WWC2: variants seen among roughly 807,000 people sequenced by gnomAD.
WWC2 encodes the protein WW and C2 domain containing 2.
Under a neutral mutation model 138.5 loss-of-function variants are expected in WWC2, and 101 were observed. The observed-to-expected ratio is 0.73, with a 90% confidence interval of 0.62 to 0.86. The LOEUF is 0.86. Ranked by LOEUF, WWC2 falls within the 40% of genes least tolerant of loss-of-function variation. WWC2 has a pLI of 0.00. For synonymous variants in WWC2, 558 were observed against 538.4 expected (o/e 1.04, Z -0.50); for missense variants, 1,420 against 1,419.4 (o/e 1.00, Z -0.01).
intron 2 of WWC2, among the ~76,000 whole-genome samples, chr4:183,199,402 A>G (rs1735241174): frequency 6.6e-6 from 1 of 152,212 alleles, no homozygotes; most frequent in Non-Finnish European, 1.5e-5. Flanking sequence ...TACACTAGCC[A>G]TGCACATAGC....
At position 183,193,688 on chromosome 4, in the gene WWC2, A is replaced by G. The variant is rs758389809; in HGVS notation, c.221A>G (p.Tyr74Cys). ...GGGTTTGACCCTCAGATTGGTGTCT[A>G]CTACATCGATCACATCAACAGTAAG... Reference protein sequence around the residue: ...EAGFDPQIGVYYIDHINKTTQ... With the variant: ...EAGFDPQIGVCYIDHINKTTQ... Residue 74 changes from tyrosine to cysteine, a missense_variant, in exon 2 of 23, where the codon TAC becomes TGC. Coordinates refer to ENST00000403733, the MANE Select transcript of WWC2 (RefSeq NM_024949.6). The G allele has an allele frequency of 9.3e-6, 15 of 1,613,534 alleles. No individual in the cohort carries two copies. The highest frequency in any genetic ancestry group is 5.5e-5 in the South Asian group (5 of 90,960).
chr4:183,267,842 C>G (rs1310345536), intron 14 of WWC2, among the ~76,000 whole-genome samples: 2 of 152,154 alleles, frequency 1.3e-5, no homozygotes, highest in Non-Finnish European at 2.9e-5. Context: ...ATGTAAAAGC[C>G]TTGGCCTAAA....
intron 2 of WWC2, among the ~76,000 whole-genome samples, chr4:183,195,704 A>G (rs1444322717): frequency 6.6e-6 from 1 of 152,056 alleles, no homozygotes; most frequent in African/African-American, 2.4e-5. Context: ...CCCTCTCAAA[A>G]CCATCCTTCA....
At chr4:183,238,215 A>C (rs906134503) in intron 4 of WWC2, among the ~76,000 whole-genome samples, 5 of 152,104 alleles carry the variant, frequency 3.3e-5, no homozygotes, top group African/African-American at 1.2e-4. Flanking sequence ...ACCTTCGTCC[A>C]CCCTGCTGGC....
chr4:183,145,825 C>CAG (rs879512378), intron 1 of WWC2, among the ~76,000 whole-genome samples: 1 of 152,132 alleles, frequency 6.6e-6, no homozygotes, highest in Non-Finnish European at 1.5e-5. Context: ...TTTTATGTAT[C>CAG]ATGAAATCTT....
In WWC2 at chr4:183,257,418, C is replaced by A. The variant is rs942246153; in HGVS notation, c.1197-2221C>A. Among the ~76,000 whole-genome samples, 5 of 152,106 alleles carry A rather than the reference C, an allele frequency of 3.3e-5. 1 individual carries two copies. The South Asian group carries it at 1.0e-3, about 32-fold the overall frequency. On this transcript the variant is annotated intron_variant, in intron 9 of 22. Coordinates refer to ENST00000403733, the MANE Select transcript of WWC2 (RefSeq NM_024949.6). ...TCCTGCAGGGCACTGAGGGCAGAGT[C>A]AGGCAGGTGTGAAGGCCCACACTTC...
chr4:183,248,805 T>C lies in WWC2; in HGVS notation c.824T>C (p.Leu275Ser). 6.2e-7 allele frequency: 1 copy of C among 1,604,106 alleles called. No homozygotes were observed. Among genetic ancestry groups the C allele is most frequent in the Non-Finnish European group, 8.5e-7 (1 of 1,174,804 alleles). ...AGATGTAGTCCTGTGAACTCTCATT[T>C]ATGTCTCTCCAGACAGACCCTTGAT... is the stretch of plus-strand genomic sequence containing the variant. ...DLRCSPVNSH[L>S]CLSRQTLDAG... Residue 275 changes from leucine (L) to serine (S), a missense_variant, in exon 7 of 23, where the codon TTA (leucine) becomes TCA (serine). By Grantham distance (145) the Leu-to-Ser change is moderately radical (BLOSUM62 -2). Transcript: ENST00000403733.
intron 1 of WWC2, among the ~76,000 whole-genome samples, chr4:183,173,901 G>T (rs929235060): frequency 1.3e-5 from 2 of 152,162 alleles, no homozygotes; most frequent in Non-Finnish European, 1.5e-5. Context: ...ACAAAAAGCT[G>T]TTTGGAAGCT....
intron 1 of WWC2, among the ~76,000 whole-genome samples, chr4:183,135,993 TA>T (rs1733101197): frequency 6.6e-6 from 1 of 152,116 alleles, no homozygotes; most frequent in South Asian, 2.1e-4. Flanking sequence ...CTTCCCCTTT[TA>T]TTTTTTGAGA....
intron 1 of WWC2, among the ~76,000 whole-genome samples, chr4:183,106,573 CACTT>C (rs1455324843): frequency 1.3e-5 from 2 of 152,162 alleles, no homozygotes; most frequent in Non-Finnish European, 2.9e-5. Context: ...ATTAAGAACT[CACTT>C]CTCATTCATC....
chr4:183,201,628 G>T (rs369562539), intron 2 of WWC2, among the ~76,000 whole-genome samples: 1 of 152,146 alleles, frequency 6.6e-6, no homozygotes, highest in East Asian at 1.9e-4. Flanking sequence ...ACTTATTAAC[G>T]AACAAATAAC....
intron 4 of WWC2, among the ~76,000 whole-genome samples, chr4:183,214,836 C>T (rs1203107869): frequency 6.6e-6 from 1 of 151,828 alleles, no homozygotes; most frequent in African/African-American, 2.4e-5. Context: ...CAAATATTCT[C>T]TCTTGACTAG....
At chr4:183,125,224 A>G (rs76210684) in intron 1 of WWC2, among the ~76,000 whole-genome samples, 2,248 of 152,214 alleles carry the variant, frequency 0.015, 34 homozygotes, top group African/African-American at 0.018. Context: ...TACAGGTTCA[A>G]TTTGCAAGTG....
Position 183,260,950 on chromosome 4 carries a change from C to G in WWC2, c.1327C>G (p.Leu443Val), listed in dbSNP as rs1426644612. Residue 443 changes from leucine (L) to valine (V), a missense_variant, in exon 11 of 23, where the codon CTG (leucine) becomes GTG (valine). Physicochemically the swap from Leu to Val is conservative, Grantham distance 32. Coordinates refer to ENST00000403733, the MANE Select transcript of WWC2 (RefSeq NM_024949.6). ...STLSMSSGSS[L>V]GSLASSRGSL... is the part of the protein sequence containing the mutation. ...CCTGTCCATGTCATCTGGGAGCAGCCTGGGTTCCCTGGCATCGAGTCGGGG... is the reference window on the plus strand; with the variant it reads ...CCTGTCCATGTCATCTGGGAGCAGCGTGGGTTCCCTGGCATCGAGTCGGGG... 4 of 1,613,906 alleles carry G rather than the reference C, an allele frequency of 2.5e-6. No individual in the cohort carries two copies. The highest frequency in any genetic ancestry group is 3.4e-6 in the Non-Finnish European group (4 of 1,179,872).
chr4:183,227,805 C>T (rs986005573), intron 4 of WWC2, among the ~76,000 whole-genome samples: 3 of 151,926 alleles, frequency 2.0e-5, no homozygotes, highest in African/African-American at 7.3e-5. Flanking sequence ...AAACATCTTC[C>T]ATACATATAG....
At chr4:183,274,334 C>T (rs373535868) in intron 16 of WWC2, among the ~76,000 whole-genome samples, 2 of 152,170 alleles carry the variant, frequency 1.3e-5, no homozygotes, top group East Asian at 3.8e-4. Context: ...CATAACAGTT[C>T]TAAGTCTTCT....
intron 1 of WWC2, among the ~76,000 whole-genome samples, chr4:183,178,352 G>T (rs1051797758): frequency 6.7e-6 from 1 of 149,550 alleles, no homozygotes; most frequent in South Asian, 2.1e-4. Flanking sequence ...ACCAGCCTGG[G>T]CTACACAGTG....
At chr4:183,247,828 A>G (rs1044004685) in intron 6 of WWC2, among the ~76,000 whole-genome samples, 1 of 142,258 alleles carries the variant, frequency 7.0e-6, no homozygotes, top group African/African-American at 2.6e-5. Context: ...TTGAGAGAAA[A>G]TAGAGAAAGT....
At chr4:183,208,503 A>G (rs1360472695) in intron 3 of WWC2, among the ~76,000 whole-genome samples, 2 of 152,184 alleles carry the variant, frequency 1.3e-5, no homozygotes, top group African/African-American at 4.8e-5. Context: ...AGGAACTGGA[A>G]CTATTACCTA....
Sources: gnomAD v4.1 joint callset for allele counts (sites outside exome capture counted in the v4.1 genomes callset) on GRCh38, gnomAD v4.1.1 for gene constraint, MANE v1.5 for transcripts, NCBI Gene and HGNC (gene_info 2026-07-23, HGNC 2026-07-21) for gene names.